Variants in KCNMA1 observed in about 807,000 individuals in gnomAD.
KCNMA1 encodes the protein Calcium-activated potassium channel subunit alpha-1.
In KCNMA1, 29 loss-of-function variants were observed where a neutral mutation model predicts 140.0. The observed-to-expected ratio is 0.21, with a 90% confidence interval of 0.15 to 0.28. The LOEUF is 0.28. KCNMA1 is among the 10% of genes least tolerant of loss of function. KCNMA1 has a pLI of 1.00. For synonymous variants in KCNMA1, 612 were observed against 611.9 expected, an observed-to-expected ratio of 1.00 and a Z score of 0.00; for missense variants, 880 against 1,602.2, an observed-to-expected ratio of 0.55 and a Z score of 7.70.
intron 1 of KCNMA1, among the ~76,000 whole-genome samples, chr10:77,627,371 G>A (rs1033139621): frequency 6.6e-6 from 1 of 152,182 alleles, no homozygotes; most frequent in African/African-American, 2.4e-5. Context: ...TTGATAAGGA[G>A]GTGAATTTAT....
chr10:77,445,395 C>CACACAT (rs201816214), intron 1 of KCNMA1, among the ~76,000 whole-genome samples: 453 of 148,954 alleles, frequency 3.0e-3, no homozygotes, highest in African/African-American at 0.011. Context: ...CACACACACA[C>CACACAT]ATATGAAAAA....
In KCNMA1 at chr10:76,885,167, C is replaced by T; in HGVS notation, c.*2099G>A. Reference sequence around the variant, plus strand: ...TCCTTTGCAAAGAATGCATGAAGAGCTCTTCATGATCCAATACTAGGGGAT... The same window carrying T: ...TCCTTTGCAAAGAATGCATGAAGAGTTCTTCATGATCCAATACTAGGGGAT... On this transcript the variant is annotated 3_prime_UTR_variant, in exon 28 of 28. Transcript: ENST00000286628. The T allele has an allele frequency of 7.8e-7, 1 of 1,288,372 alleles. No individual in the cohort carries two copies. 79.8% of individuals were successfully genotyped at this position (1,288,372 alleles called of 1,614,324 possible). A position where few individuals can be genotyped will look rare whatever the true frequency, so the allele number is the denominator to read the frequency against.
chr10:77,396,450 G>A (rs2096059513), intron 2 of KCNMA1, among the ~76,000 whole-genome samples: 1 of 152,110 alleles, frequency 6.6e-6, no homozygotes, highest in Non-Finnish European at 1.5e-5. Flanking sequence ...AGAAGTGAAT[G>A]CAATGAATGT....
chr10:76,965,002 C>A (rs1225017702), intron 20 of KCNMA1, among the ~76,000 whole-genome samples: 1 of 152,186 alleles, frequency 6.6e-6, no homozygotes, highest in South Asian at 2.1e-4. Flanking sequence ...CCACCTGATA[C>A]ATCCTATGTA....
intron 1 of KCNMA1, among the ~76,000 whole-genome samples, chr10:77,447,472 A>G (rs1012656063): frequency 3.9e-5 from 6 of 152,222 alleles, no homozygotes; most frequent in African/African-American, 1.4e-4. Context: ...TGATAAACAC[A>G]TGAGATAATT....
chr10:77,195,475 T>A (rs1053245300), intron 3 of KCNMA1, among the ~76,000 whole-genome samples: 2 of 152,230 alleles, frequency 1.3e-5, no homozygotes, highest in African/African-American at 4.8e-5. Context: ...CCCCTATGAT[T>A]ATACAATCAT....
chr10:77,636,420 C>A (rs1394430017), intron 1 of KCNMA1: 4 of 1,536,168 alleles, frequency 2.6e-6, no homozygotes, highest in Admixed American at 3.9e-5. Flanking sequence ...CCTCGAGCGC[C>A]AGGGAAGACG....
chr10:77,554,397 A>G (rs1409957344), intron 1 of KCNMA1, among the ~76,000 whole-genome samples: 1 of 152,090 alleles, frequency 6.6e-6, no homozygotes, highest in Non-Finnish European at 1.5e-5. Context: ...AGGAGTTTTA[A>G]GACCAGCCTG....
intron 3 of KCNMA1, among the ~76,000 whole-genome samples, chr10:77,192,105 C>CT (rs1283256284): frequency 6.6e-6 from 1 of 152,126 alleles, no homozygotes; most frequent in African/African-American, 2.4e-5. Flanking sequence ...TAGCAGTTGA[C>CT]TTCAGAGCAG....
intron 18 of KCNMA1, among the ~76,000 whole-genome samples, chr10:77,004,482 A>G (rs942514992): frequency 6.6e-6 from 1 of 151,814 alleles, no homozygotes; most frequent in African/African-American, 2.4e-5. Context: ...AAAAGGTAAG[A>G]CCTCCCATCT....
At chr10:77,172,059 G>A (rs1416717531) in intron 5 of KCNMA1, among the ~76,000 whole-genome samples, 1 of 152,150 alleles carries the variant, frequency 6.6e-6, no homozygotes, top group Non-Finnish European at 1.5e-5. Context: ...TAATGCAGTC[G>A]AATCCCTGAG....
At chr10:77,141,701 C>T (rs1724363730) in intron 5 of KCNMA1, among the ~76,000 whole-genome samples, 1 of 152,114 alleles carries the variant, frequency 6.6e-6, no homozygotes, top group African/African-American at 2.4e-5. Context: ...TGAGTGTAAA[C>T]AAAAATATGA....
intron 14 of KCNMA1, among the ~76,000 whole-genome samples, chr10:77,050,931 T>C (rs1263304150): frequency 6.6e-6 from 1 of 152,204 alleles, no homozygotes; most frequent in Non-Finnish European, 1.5e-5. Flanking sequence ...TGGGCTGTTG[T>C]GATAATTAGC....
intron 20 of KCNMA1, among the ~76,000 whole-genome samples, chr10:76,958,984 G>C (rs1029304728): frequency 6.6e-6 from 1 of 152,032 alleles, no homozygotes; most frequent in African/African-American, 2.4e-5. Flanking sequence ...TCCATTTAAG[G>C]GGGGGAAAAA....
chr10:76,973,341 T>C (rs1379955925), intron 19 of KCNMA1: 13 of 152,642 alleles, frequency 8.5e-5, no homozygotes, highest in Admixed American at 5.2e-4. Context: ...TCCCTAAGTA[T>C]AACACTTAAT....
At chr10:76,896,512 T>C (rs2042572279) in intron 25 of KCNMA1, among the ~76,000 whole-genome samples, 1 of 152,112 alleles carries the variant, frequency 6.6e-6, no homozygotes, top group Admixed American at 6.5e-5. Context: ...ACAAAGATGA[T>C]GGGATTAAGA....
intron 9 of KCNMA1, among the ~76,000 whole-genome samples, chr10:77,095,957 A>G (rs1187381304): frequency 2.0e-5 from 3 of 152,210 alleles, no homozygotes; most frequent in Non-Finnish European, 4.4e-5. Flanking sequence ...ACTTTTCCCA[A>G]GCCTCAGATA....
At chr10:77,026,018 T>TAC (rs2093428984) in intron 16 of KCNMA1, among the ~76,000 whole-genome samples, 1 of 148,960 alleles carries the variant, frequency 6.7e-6, no homozygotes, top group African/African-American at 2.5e-5. Context: ...TATATATATA[T>TAC]ACTAAAAACT....
intron 16 of KCNMA1, among the ~76,000 whole-genome samples, chr10:77,025,799 C>T (rs1020461765): frequency 3.3e-5 from 5 of 151,940 alleles, no homozygotes; most frequent in African/African-American, 1.2e-4. Flanking sequence ...TGTGTTTTCA[C>T]GTGGATATTG....
Sources: allele counts gnomAD v4.1 joint callset (sites outside exome capture counted in the v4.1 genomes callset), GRCh38; gene constraint gnomAD v4.1.1; transcripts MANE v1.5; gene names NCBI Gene and HGNC (gene_info 2026-07-23, HGNC 2026-07-21).